The following NOX5 variants were observed in gnomAD, a reference collection of about 807,000 sequenced individuals.
NOX5 encodes the protein NADPH oxidase 5, also known as NADPH oxidase, EF-hand calcium binding domain 5.
In NOX5, 76 loss-of-function variants were observed where a neutral mutation model predicts 85.7. That is an observed-to-expected ratio of 0.89 (90% confidence interval 0.74 to 1.07). The LOEUF is 1.07. Ranked by LOEUF, NOX5 falls within the 50% of genes least tolerant of loss-of-function variation. The pLI is 0.00. For synonymous variants in NOX5, 405 were observed against 401.4 expected (o/e 1.01, Z -0.11); for missense variants, 973 against 999.5 (o/e 0.97, Z 0.36).
intron 2 of NOX5, among the ~76,000 whole-genome samples, chr15:69,027,683 G>C (rs940753614): frequency 6.6e-6 from 1 of 152,156 alleles, no homozygotes; most frequent in African/African-American, 2.4e-5. Context: ...CTCAGTGAAT[G>C]AATGAGTGAA....
rs2050816561 is a variant in NOX5, at chr15:69,056,695, A to G, written c.2297A>G (p.Ter766TrpextTer21). Residue 766 changes from the stop codon to tryptophan, a stop_lost, in exon 16 of 16, where the codon TAG (stop) becomes TGG (tryptophan). Coordinates refer to ENST00000388866, the MANE Select transcript of NOX5 (RefSeq NM_024505.4). Reference protein sequence around the residue: ...FGFRFFQENF* With the variant: ...FGFRFFQENFW The stretch of plus-strand genomic sequence containing the variant: ...TTCAGATTTTTCCAAGAGAATTTCT[A>G]GCCTCACCTCTCCAAGCTCTGCCCC... 1 of 1,613,562 alleles carries G rather than the reference A, an allele frequency of 6.2e-7. No homozygotes were observed. Among genetic ancestry groups the G allele is most frequent in the Middle Eastern group, 1.8e-4 (1 of 5,602 alleles).
rs574130296 is a variant in NOX5 at position 69,024,962 on chromosome 15, C to A, written c.51-1566C>A. ...ATGTATTTCATTCTTTGTCTAGTTG[C>A]TTATGTGAAAACTATTACATTTATT... On this transcript the variant is annotated intron_variant, in intron 1 of 15. Coordinates refer to ENST00000388866, the MANE Select transcript of NOX5 (RefSeq NM_024505.4). Among the ~76,000 whole-genome samples the A allele has an allele frequency of 7.9e-5, 12 of 152,108 alleles. No homozygotes were observed. In the South Asian group the frequency reaches 2.1e-3, roughly 26 times the overall value.
intron 1 of NOX5, among the ~76,000 whole-genome samples, chr15:69,026,310 G>C (rs2050356892): frequency 6.6e-6 from 1 of 152,172 alleles, no homozygotes; most frequent in Admixed American, 6.5e-5. Flanking sequence ...AGCAAGCCTG[G>C]GCCAGCCAAC....
intron 1 of NOX5, 84 bp downstream of exon 1, chr15:69,014,869 A>G: frequency 9.9e-7 from 1 of 1,015,180 alleles, no homozygotes; most frequent in South Asian, 1.4e-5. Flanking sequence ...TACAAAAGGT[A>G]ACTGTGTCTG....
chr15:69,029,434 A>G (rs1237688702), intron 3 of NOX5: 2 of 152,224 alleles, frequency 1.3e-5, no homozygotes, highest in African/African-American at 2.4e-5. Context: ...CGTTTTAACT[A>G]TCGTGATTAA....
At chr15:69,023,214 T>C (rs75406556) in intron 1 of NOX5, 2,849 of 245,310 alleles carry the variant, frequency 0.012, 34 homozygotes, top group East Asian at 0.043. Flanking sequence ...CACAGAAAAA[T>C]TAGCTGAGTT....
chr15:69,027,511 T>G (rs1299189957), intron 2 of NOX5, among the ~76,000 whole-genome samples: 2 of 152,140 alleles, frequency 1.3e-5, no homozygotes, highest in Non-Finnish European at 2.9e-5. Flanking sequence ...TTTTATTAAG[T>G]CAGACACTAG....
intron 1 of NOX5, among the ~76,000 whole-genome samples, chr15:69,019,035 T>A (rs115907987): frequency 0.01 from 1,535 of 152,256 alleles, 29 homozygotes; most frequent in African/African-American, 0.036. Flanking sequence ...GCTAATTTTT[T>A]AAATTTTTGT....
rs1595790290 is a variant in NOX5, at chr15:69,050,954, A to G, written c.1999+1896A>G. Among the ~76,000 whole-genome samples the G allele has an allele frequency of 3.3e-5, 5 of 152,182 alleles. No homozygotes were observed. The South Asian group carries it at 8.3e-4, about 25-fold the overall frequency. On this transcript the variant is annotated intron_variant, in intron 14 of 15. Transcript: ENST00000388866. ...TTAAGCTCGAGGTATCGTTTATCCT[A>G]GTTTTTCTGGTCATTTTCTTTCACA...
intron 8 of NOX5, chr15:69,037,453 A>C (rs2050537233): frequency 3.9e-6 from 2 of 517,956 alleles, no homozygotes; most frequent in South Asian, 4.8e-5. Flanking sequence ...TGGGGAGAAC[A>C]GTCTCCTTCA....
rs539689550 is a variant in NOX5 at position 69,058,589 on chromosome 15, G to A, written c.*1893G>A. 31 of 152,318 alleles carry A rather than the reference G, an allele frequency of 2.0e-4. No homozygotes were observed. The South Asian group carries it at 6.0e-3, about 30-fold the overall frequency. The allele number at this position is 152,318 out of a possible 1,614,324, so 9.4% of individuals were successfully genotyped here. A position where few individuals can be genotyped will look rare whatever the true frequency, so the allele number is the denominator to read the frequency against. On this transcript the variant is annotated 3_prime_UTR_variant, in exon 16 of 16. Coordinates refer to ENST00000388866, the MANE Select transcript of NOX5 (RefSeq NM_024505.4). Reference sequence around the variant, plus strand: ...TTTGGGTGGGTGGAAAGCGGGGCTCGTGCTTGCACCAAGCCTCCATCTCCC... The same window carrying A: ...TTTGGGTGGGTGGAAAGCGGGGCTCATGCTTGCACCAAGCCTCCATCTCCC...
chr15:69,039,179 C>T (rs1406285319), intron 9 of NOX5, among the ~76,000 whole-genome samples, 190 bp downstream of exon 9: 1 of 152,210 alleles, frequency 6.6e-6, no homozygotes, highest in Non-Finnish European at 1.5e-5. Context: ...GTACCAGCTG[C>T]ACTGAAGTCT....
rs1324195598 is a variant in NOX5 at position 69,031,723 on chromosome 15, C to G, written c.531C>G (p.Ala177=). Residue 177 remains alanine, a synonymous_variant, in exon 4 of 16, where the codon GCC becomes GCG. Coordinates refer to ENST00000388866, the MANE Select transcript of NOX5 (RefSeq NM_024505.4). ...TGACGCTGGCGCTCTTCGAATCGGC[C>G]GACGCGGACGGCAACGGGGCCATCA... The part of the protein sequence containing the change: ...DQLTLALFES[A]DADGNGAITF... The G allele has an allele frequency of 3.1e-6, 5 of 1,612,876 alleles. No homozygotes were observed. The highest frequency in any genetic ancestry group is 2.2e-5 in the East Asian group (1 of 44,880).
Position 69,037,021 on chromosome 15 carries a change from C to A in NOX5, c.1189-7C>A, listed in dbSNP as rs1006611013. ...CTGGAAGTTGACTGCCCCCCCTACC[C>A]CCATAGGTGTTCTATTGGACTCACC... is the stretch of plus-strand genomic sequence containing the variant. On this transcript the variant is annotated splice_polypyrimidine_tract_variant and splice_region_variant and intron_variant, in intron 7 of 15. Transcript: ENST00000388866. 1 of 1,612,944 alleles carries A rather than the reference C, an allele frequency of 6.2e-7. No homozygotes were observed. The highest frequency in any genetic ancestry group is 1.3e-5 in the African/African-American group (1 of 74,848).
chr15:69,039,966 A>C (rs186988113), intron 9 of NOX5, among the ~76,000 whole-genome samples: 45 of 152,308 alleles, frequency 3.0e-4, no homozygotes, highest in African/African-American at 1.1e-3. Flanking sequence ...TGAGTGACCT[A>C]TTACAGTAAG....
chr15:69,038,572 G>C (rs1313424042), intron 8 of NOX5, among the ~76,000 whole-genome samples: 1 of 152,212 alleles, frequency 6.6e-6, no homozygotes, highest in Admixed American at 6.5e-5. Flanking sequence ...ATACGTCACA[G>C]AGGGTCCACT....
At chr15:69,038,722 A>T (rs1361087846) in intron 8 of NOX5, 135 bp from the exon 9 acceptor site, 2 of 1,246,492 alleles carry the variant, frequency 1.6e-6, no homozygotes, top group African/African-American at 1.5e-5. Context: ...ACTCAGAAGC[A>T]CAGAAGAGTG....
At position 69,035,807 on chromosome 15, in the gene NOX5, G is replaced by A. The variant is rs751102571; in HGVS notation, c.1059G>A (p.Leu353=). The A allele has an allele frequency of 3.1e-6, 5 of 1,614,078 alleles. No homozygotes were observed. The African/African-American group carries it at 4.0e-5, about 13-fold the overall frequency. ...GCCCTTTCCAGTTCTGGGAGCTGCT[G>A]CTCACCACGAGGCCTGGCATTGGCT... The part of the protein sequence containing the change: ...EASPFQFWEL[L]LTTRPGIGWV... Residue 353 remains leucine (L), a synonymous_variant, in exon 7 of 16, where the codon CTG becomes CTA. Coordinates refer to ENST00000388866, the MANE Select transcript of NOX5 (RefSeq NM_024505.4).
chr15:69,044,088 G>A (rs1333507707), intron 10 of NOX5, among the ~76,000 whole-genome samples: 3 of 152,024 alleles, frequency 2.0e-5, no homozygotes, highest in Admixed American at 2.0e-4. Flanking sequence ...GGAGGCTGGG[G>A]CAGGAGAATC....
Sources: allele counts gnomAD v4.1 joint callset (sites outside exome capture counted in the v4.1 genomes callset), GRCh38; gene constraint gnomAD v4.1.1; transcripts MANE v1.5; gene names NCBI Gene and HGNC (gene_info 2026-07-23, HGNC 2026-07-21).